EHHADH: variants seen among roughly 807,000 people sequenced by gnomAD.
The protein encoded by EHHADH is peroxisomal bifunctional enzyme.
A neutral mutation model predicts 64.4 loss-of-function variants in EHHADH; 48 were observed. That is an observed-to-expected ratio of 0.75 (90% confidence interval 0.59 to 0.95). The LOEUF (loss-of-function observed/expected upper bound fraction) is 0.95, where lower values mean the gene tolerates loss of function less well. EHHADH is among the 40% of genes least tolerant of loss of function. EHHADH has a pLI of 0.00. For synonymous variants in EHHADH, 308 were observed against 326.7 expected (o/e 0.94, Z 0.62); for missense variants, 854 against 876.6 (o/e 0.97, Z 0.33).
intron 3 of EHHADH, among the ~76,000 whole-genome samples, chr3:185,232,144 A>G (rs1719150981): frequency 6.6e-6 from 1 of 152,202 alleles, no homozygotes; most frequent in East Asian, 1.9e-4. Context: ...CCATTTACCC[A>G]GATCGTGATT....
At chr3:185,223,419 A>G (rs1718888519) in intron 4 of EHHADH, among the ~76,000 whole-genome samples, 2 of 152,034 alleles carry the variant, frequency 1.3e-5, no homozygotes, top group African/African-American at 4.8e-5. Flanking sequence ...TTAATGTTTC[A>G]GCAGACTGAC....
At position 185,216,833 on chromosome 3, in the gene EHHADH, A is replaced by AT. The variant is rs62864460; in HGVS notation, c.568+1302dup. ...CTGTAACGCAATACTCTTCCCAATTATTTTTTTCTGGCTATTTTTACCCTC... is the reference window on the plus strand; with the variant it reads ...CTGTAACGCAATACTCTTCCCAATTATTTTTTTTCTGGCTATTTTTACCCTC... On this transcript the variant is annotated intron_variant, in intron 5 of 6. Transcript: ENST00000231887. This position sits in a 1 kb window ranked among gnomAD's most constrained non-coding sequence, Gnocchi z 5.3. Among the ~76,000 whole-genome samples the AT allele has an allele frequency of 0.13, 20,030 of 151,874 alleles. 1,999 individuals carry two copies. Among genetic ancestry groups the AT allele is most frequent in the African/African-American group, 0.27 (11,205 of 41,336 alleles).
At chr3:185,233,728 C>T (rs1719202644) in intron 3 of EHHADH, among the ~76,000 whole-genome samples, 1 of 152,200 alleles carries the variant, frequency 6.6e-6, no homozygotes, top group East Asian at 1.9e-4. Flanking sequence ...TTACTGCAAC[C>T]TCCACCTTCC....
At chr3:185,252,725 TAAATC>T (rs1307530377) in intron 1 of EHHADH, among the ~76,000 whole-genome samples, 2 of 152,204 alleles carry the variant, frequency 1.3e-5, no homozygotes, top group Non-Finnish European at 2.9e-5. Context: ...ATACTAATGA[TAAATC>T]AAATCCAATG....
intron 6 of EHHADH, among the ~76,000 whole-genome samples, chr3:185,202,610 T>G (rs549199443): frequency 6.6e-6 from 1 of 152,288 alleles, no homozygotes; most frequent in East Asian, 1.9e-4. Flanking sequence ...AGGGAGCATT[T>G]CAGCCTTGAC....
At position 185,218,282 on chromosome 3, in the gene EHHADH, G is replaced by A. The variant is rs755198066; in HGVS notation, c.464-42C>T. 1.0e-5 allele frequency: 15 copies of A among 1,449,316 alleles called. No homozygotes were observed. In the East Asian group the frequency reaches 1.4e-4, roughly 14 times the overall value. 89.8% of individuals were successfully genotyped at this position (1,449,316 alleles called of 1,614,324 possible). A position where few individuals can be genotyped will look rare whatever the true frequency, so the allele number is the denominator to read the frequency against. On this transcript the variant is annotated intron_variant, in intron 4 of 6. Coordinates refer to ENST00000231887, the MANE Select transcript of EHHADH (RefSeq NM_001966.4). ...CAACAATAACAACAAATCAAAGAGC[G>A]ATGTAAGATTAAAGCAAAAGCATTA...
At chr3:185,197,171 T>C (rs1008138502) in intron 6 of EHHADH, among the ~76,000 whole-genome samples, 5 of 152,180 alleles carry the variant, frequency 3.3e-5, no homozygotes, top group African/African-American at 1.2e-4. Context: ...AGGATTTCTT[T>C]GGGGAGTGAT....
chr3:185,203,393 AAAAG>A (rs1252395032), intron 6 of EHHADH, among the ~76,000 whole-genome samples: 2 of 152,164 alleles, frequency 1.3e-5, no homozygotes, highest in African/African-American at 2.4e-5. Context: ...AGAAAAAAAG[AAAAG>A]AAAGAAAGTT....
At position 185,248,515 on chromosome 3, in the gene EHHADH, GT is replaced by G. The variant is rs1560023410; in HGVS notation, c.76del (p.Thr26ArgfsTer7). ...TTCTTTTATGTCACGGAGTAAAGTC[GT>G]ACTAAAAGAAAACAAAATACATGAA... ...LRNPPVNAIS[T>X]TLLRDIKEGL... On this transcript the variant is annotated frameshift_variant and splice_region_variant, in exon 2 of 7. Transcript: ENST00000231887. LOFTEE classifies it high-confidence loss of function. The G allele has an allele frequency of 3.1e-6, 5 of 1,598,370 alleles. No homozygotes were observed. Among genetic ancestry groups the G allele is most frequent in the Non-Finnish European group, 4.3e-6 (5 of 1,169,972 alleles).
At chr3:185,253,773 AAAAGAAAAGAAAAAGAAAG>A (rs1719816404) in intron 1 of EHHADH, 157 bp downstream of exon 1, 4 of 1,322,896 alleles carry the variant, frequency 3.0e-6, no homozygotes, top group Admixed American at 6.9e-5. Context: ...AAAAAAAAAA[AAAAGAAAAGAAAAAGAAAG>A]AAAGAAAAGA....
Position 185,190,971 on chromosome 3 carries a change from A to T in EHHADH, c.*1255T>A, listed in dbSNP as rs1200159963. 1 of 152,210 alleles carries T rather than the reference A, an allele frequency of 6.6e-6. No homozygotes were observed. Among genetic ancestry groups the T allele is most frequent in the Non-Finnish European group, 1.5e-5 (1 of 68,036 alleles). The allele number at this position is 152,210 out of a possible 1,614,324, so 9.4% of individuals were successfully genotyped here. ...TATAATTCACCCACTTAAAATATAC[A>T]ACTCAATGGTTTTTAATATATTGTT... is the stretch of plus-strand genomic sequence containing the variant. On this transcript the variant is annotated 3_prime_UTR_variant, in exon 7 of 7. Coordinates refer to ENST00000231887, the MANE Select transcript of EHHADH (RefSeq NM_001966.4).
At chr3:185,198,866 A>G (rs77567103) in intron 6 of EHHADH, among the ~76,000 whole-genome samples, 1 of 151,998 alleles carries the variant, frequency 6.6e-6, no homozygotes, top group East Asian at 1.9e-4. Context: ...AAAAAAATTT[A>G]AAAAAAGATA....
At chr3:185,194,124 T>C (rs1347226267) in intron 6 of EHHADH, among the ~76,000 whole-genome samples, 4 of 152,056 alleles carry the variant, frequency 2.6e-5, no homozygotes, top group East Asian at 3.8e-4. Flanking sequence ...AAAACAATAC[T>C]GAAAAAGAAC....
At chr3:185,212,393 G>A (rs1005990796) in intron 5 of EHHADH, among the ~76,000 whole-genome samples, 1 of 152,184 alleles carries the variant, frequency 6.6e-6, no homozygotes, top group Non-Finnish European at 1.5e-5. Context: ...AGAGAAATGT[G>A]CCGCTAAGTC....
intron 1 of EHHADH, 197 bp downstream of exon 1, chr3:185,253,752 A>G (rs565418925): frequency 4.1e-6 from 5 of 1,226,048 alleles, no homozygotes; most frequent in Non-Finnish European, 5.3e-6. Context: ...TAACCAAGCT[A>G]ATCTAGGTTA....
rs1719097251 is a variant in EHHADH at position 185,229,512 on chromosome 3, C to T, written c.383G>A (p.Gly128Glu). 1.3e-6 allele frequency: 2 copies of T among 1,572,908 alleles called. No homozygotes were observed. Among genetic ancestry groups the T allele is most frequent in the East Asian group, 2.3e-5 (1 of 43,878 alleles). Residue 128 changes from glycine to glutamate, a missense_variant, in exon 4 of 7, where the codon GGA (glycine) becomes GAA (glutamate). Physicochemically the swap from Gly to Glu is moderately conservative, Grantham distance 98. Coordinates refer to ENST00000231887, the MANE Select transcript of EHHADH (RefSeq NM_001966.4). ...AQVGLPEVTL[G>E]LLPGARGTQL... ...GGTTCCTCTTGCACCAGGGAGAAGT[C>T]CCAGTGTAACTTCTGGTAAGCCAAC... is the stretch of plus-strand genomic sequence containing the variant.
At position 185,199,961 on chromosome 3, in the gene EHHADH, T is replaced by G. The variant is rs1277616382; in HGVS notation, c.910+4455A>C. ...AGACGTGGGTAGTTGCAACAGAGAC[T>G]GTATGGCCCACAAAGCTTAAATATT... On this transcript the variant is annotated intron_variant, in intron 6 of 6. Transcript: ENST00000231887. 3.3e-5 allele frequency among the ~76,000 whole-genome samples: 5 copies of G among 152,226 alleles called. No homozygotes were observed. In the East Asian group the frequency reaches 9.6e-4, roughly 29 times the overall value.
intron 6 of EHHADH, among the ~76,000 whole-genome samples, chr3:185,201,443 G>A (rs7637190): frequency 6.6e-6 from 1 of 152,208 alleles, no homozygotes; most frequent in Non-Finnish European, 1.5e-5. Context: ...GGTCTGAGAA[G>A]TGACCCAGCT....
chr3:185,233,177 T>G (rs1359614087), intron 3 of EHHADH, among the ~76,000 whole-genome samples: 1 of 152,206 alleles, frequency 6.6e-6, no homozygotes, highest in East Asian at 1.9e-4. Flanking sequence ...CAGTACATAA[T>G]GTATGAAGAT....
Sources: gnomAD v4.1 joint callset for allele counts (sites outside exome capture counted in the v4.1 genomes callset) on GRCh38, gnomAD v4.1.1 for gene constraint, Gnocchi (gnomAD v3.1) non-coding constraint, MANE v1.5 for transcripts, NCBI Gene and HGNC (gene_info 2026-07-23, HGNC 2026-07-21) for gene names.